BTNL9: variants seen among roughly 807,000 people sequenced by gnomAD.
BTNL9 encodes the protein butyrophilin-like protein 9.
BTNL9 carries 45 observed loss-of-function variants against 45.8 expected under a neutral mutation model. The ratio of observed to expected loss-of-function variants is 0.98; its 90% CI spans 0.77 to 1.26. The LOEUF is 1.26. Among genes scored for constraint, BTNL9 ranks in the 50% most tolerant of loss-of-function variants. The pLI, the probability that BTNL9 is intolerant of heterozygous loss-of-function variation, is 0.00. For synonymous variants in BTNL9, 346 were observed against 330.8 expected (o/e 1.05, Z -0.50); for missense variants, 784 against 729.7 (o/e 1.07, Z -0.86).
rs1295595400 is a variant in BTNL9 at position 181,059,653 on chromosome 5, G to A, written c.1399G>A (p.Asp467Asn). Residue 467 changes from aspartate (D) to asparagine (N), a missense_variant, in exon 11 of 11, where the codon GAC becomes AAC. Physicochemically the swap from Asp to Asn is conservative, Grantham distance 23. Transcript: ENST00000327705. ...AGELSFFNVS[D>N]GSHIFTFHDT... ...AGAGCTGTCCTTCTTCAACGTGTCC[G>A]ACGGCTCCCACATCTTCACCTTCCA... is the stretch of plus-strand genomic sequence containing the variant. 1.9e-6 allele frequency: 3 copies of A among 1,613,680 alleles called. No individual in the cohort carries two copies. Among genetic ancestry groups the A allele is most frequent in the Admixed American group, 1.7e-5 (1 of 60,034 alleles).
chr5:181,059,646 C>T lies in BTNL9; in HGVS notation c.1392C>T (p.Asn464=), dbSNP rs1160030057. 3.1e-6 allele frequency: 5 copies of T among 1,613,558 alleles called. No individual in the cohort carries two copies. Among genetic ancestry groups the T allele is most frequent in the African/African-American group, 1.3e-5 (1 of 74,938 alleles). ...AGGCCGGAGAGCTGTCCTTCTTCAA[C>T]GTGTCCGACGGCTCCCACATCTTCA... ...DYEAGELSFF[N]VSDGSHIFTF... is the part of the protein sequence containing the mutation. Residue 464 remains asparagine, a synonymous_variant, in exon 11 of 11, where the codon AAC becomes AAT. Transcript: ENST00000327705.
intron 2 of BTNL9, chr5:181,047,501 G>A (rs190444838): frequency 3.9e-4 from 392 of 992,428 alleles, no homozygotes; most frequent in East Asian, 5.4e-4. Flanking sequence ...TCAGCAATTT[G>A]ATGTCTCCTT....
In BTNL9 at chr5:181,042,539, G is replaced by A. The variant is rs931215904; in HGVS notation, c.-24+2107G>A. Reference sequence around the variant, plus strand: ...AGGGCGGACGCACAGCAGCAAACGGGGAGGAGGGTGCTGTCCAGGAGCCGC... The same window carrying A: ...AGGGCGGACGCACAGCAGCAAACGGAGAGGAGGGTGCTGTCCAGGAGCCGC... On this transcript the variant is annotated intron_variant, in intron 1 of 10. Coordinates refer to ENST00000327705, the MANE Select transcript of BTNL9 (RefSeq NM_152547.5). The surrounding 1 kb of genome is among the most constrained non-coding windows in gnomAD (Gnocchi z 4.5). Among the ~76,000 whole-genome samples the A allele has an allele frequency of 2.6e-5, 4 of 152,182 alleles. No individual in the cohort carries two copies. The highest frequency in any genetic ancestry group is 5.9e-5 in the Non-Finnish European group (4 of 68,044).
At position 181,059,697 on chromosome 5, in the gene BTNL9, G is replaced by A; in HGVS notation, c.1443G>A (p.Ala481=). 7 of 1,613,602 alleles carry A rather than the reference G, an allele frequency of 4.3e-6. No individual in the cohort carries two copies. Among genetic ancestry groups the A allele is most frequent in the Non-Finnish European group, 5.9e-6 (7 of 1,179,962 alleles). Residue 481 remains alanine, a synonymous_variant, in exon 11 of 11, where the codon GCG becomes GCA. Transcript: ENST00000327705. ...CCTTCCACGACACCTTCTCGGGCGC[G>A]CTCTGTGCGTACTTCAGGCCCAGGG... ...IFTFHDTFSG[A]LCAYFRPRAH...
rs1350945404 is a variant in BTNL9 at position 181,059,750 on chromosome 5, C to G, written c.1496C>G (p.Pro499Arg). The change falls in exon 11 of 11, where the codon CCC becomes CGC. Residue 499 changes from proline (P) to arginine (R), a missense_variant. Transcript: ENST00000327705. ...RAHDGGEHPD[P>R]LTICPLPVRG... ...CACGACGGCGGCGAACATCCGGATCCCCTGACCATCTGCCCGCTGCCGGTT... is the reference window on the plus strand; with the variant it reads ...CACGACGGCGGCGAACATCCGGATCGCCTGACCATCTGCCCGCTGCCGGTT... The G allele has an allele frequency of 6.2e-7, 1 of 1,612,394 alleles. No individual in the cohort carries two copies. Among genetic ancestry groups the G allele is most frequent in the Non-Finnish European group, 8.5e-7 (1 of 1,179,906 alleles).
rs1761726188 is a variant in BTNL9 at position 181,053,917 on chromosome 5, C to T, written c.887-322C>T. ...CGGCGGTCAGGCACCGAGAAAACAG[C>T]CCAGTTACGTGAGGCAGTGTCCGGG... On this transcript the variant is annotated intron_variant, in intron 6 of 10. Transcript: ENST00000327705. The surrounding 1 kb of genome is among the most constrained non-coding windows in gnomAD (Gnocchi z 6.5). 2 of 1,511,168 alleles carry T rather than the reference C, an allele frequency of 1.3e-6. No individual in the cohort carries two copies. The highest frequency in any genetic ancestry group is 2.6e-5 in the East Asian group (1 of 38,862). 93.6% of individuals were successfully genotyped at this position (1,511,168 alleles called of 1,614,324 possible). A position where few individuals can be genotyped will look rare whatever the true frequency, so the allele number is the denominator to read the frequency against.
intron 3 of BTNL9, among the ~76,000 whole-genome samples, chr5:181,049,310 C>T (rs1761406910): frequency 6.6e-6 from 1 of 152,104 alleles, no homozygotes; most frequent in African/African-American, 2.4e-5. Flanking sequence ...ATAGTGGAAA[C>T]CACCTAAATG....
rs1221309571 is a variant in BTNL9 at position 181,059,857 on chromosome 5, T to C, written c.1603T>C (p.Trp535Arg). ...GCCCGCGGACCCCGCCCTGGACTGG[T>C]GGTGAGGCGCCCTCGTGGCCGCGGG... is the stretch of plus-strand genomic sequence containing the variant. ...YEPADPALDW[W>R] Residue 535 changes from tryptophan to arginine, a missense_variant, in exon 11 of 11, where the codon TGG becomes CGG. By Grantham distance (101) the Trp-to-Arg change is moderately radical. Transcript: ENST00000327705. The C allele has an allele frequency of 1.9e-6, 3 of 1,559,172 alleles. No individual in the cohort carries two copies. Among genetic ancestry groups the C allele is most frequent in the Non-Finnish European group, 2.6e-6 (3 of 1,157,078 alleles).
At chr5:181,049,116 A>G (rs960311241) in intron 3 of BTNL9, among the ~76,000 whole-genome samples, 6 of 151,774 alleles carry the variant, frequency 4.0e-5, no homozygotes, top group Non-Finnish European at 8.8e-5. Context: ...ATGTTAGTGG[A>G]ATTCAAAGTT....
rs1369792661 is a variant in BTNL9, at chr5:181,055,762, C to G, written c.929-227C>G. ...CCAGCCTGGGCGACAGAGCGAGACTCTGTCTCAAAAAAAAAAAGAACTATT... is the reference window on the plus strand; with the variant it reads ...CCAGCCTGGGCGACAGAGCGAGACTGTGTCTCAAAAAAAAAAAGAACTATT... On this transcript the variant is annotated intron_variant, in intron 8 of 10. Coordinates refer to ENST00000327705, the MANE Select transcript of BTNL9 (RefSeq NM_152547.5). This position sits in a 1 kb window ranked among gnomAD's most constrained non-coding sequence, Gnocchi z 4.4. 1 of 711,872 alleles carries G rather than the reference C, an allele frequency of 1.4e-6. No homozygotes were observed. The highest frequency in any genetic ancestry group is 2.5e-6 in the Non-Finnish European group (1 of 393,472). The allele number at this position is 711,872 out of a possible 1,614,324, so 44.1% of individuals were successfully genotyped here. A position where few individuals can be genotyped will look rare whatever the true frequency, so the allele number is the denominator to read the frequency against.
intron 7 of BTNL9, chr5:181,054,507 C>T (rs1006734500): frequency 4.1e-6 from 4 of 985,478 alleles, no homozygotes; most frequent in Non-Finnish European, 4.8e-6. Flanking sequence ...AGTTAAAATT[C>T]ATCATAAAAC....
intron 1 of BTNL9, among the ~76,000 whole-genome samples, chr5:181,040,870 C>G (rs917092107): frequency 5.3e-5 from 8 of 152,208 alleles, no homozygotes; most frequent in Non-Finnish European, 1.2e-4. Context: ...CCACTGACAC[C>G]TGCGGACTTG....
intron 2 of BTNL9, among the ~76,000 whole-genome samples, chr5:181,047,682 A>C (rs1414156298): frequency 1.3e-5 from 2 of 152,236 alleles, no homozygotes; most frequent in African/African-American, 2.4e-5. Flanking sequence ...TGGTTGGATG[A>C]AACCAGTTAC....
At position 181,046,452 on chromosome 5, in the gene BTNL9, G is replaced by A. The variant is rs79836491; in HGVS notation, c.109+854G>A. 6.2e-4 allele frequency among the ~76,000 whole-genome samples: 95 copies of A among 152,284 alleles called. No individual in the cohort carries two copies. In the East Asian group the frequency reaches 0.014, roughly 22 times the overall value. On this transcript the variant is annotated intron_variant, in intron 2 of 10. Coordinates refer to ENST00000327705, the MANE Select transcript of BTNL9 (RefSeq NM_152547.5). Reference sequence around the variant, plus strand: ...GTTTGTGCTGAACCCATTGATATACGTTTTTAATTTTACCCCTTGCAAATC... The same window carrying A: ...GTTTGTGCTGAACCCATTGATATACATTTTTAATTTTACCCCTTGCAAATC...
rs1052771880 is a variant in BTNL9, at chr5:181,048,979, A to G, written c.454+708A>G. Among the ~76,000 whole-genome samples the G allele has an allele frequency of 7.5e-5, 11 of 147,304 alleles. No individual in the cohort carries two copies. The Admixed American group carries it at 7.6e-4, about 10-fold the overall frequency. On this transcript the variant is annotated intron_variant, in intron 3 of 10. Transcript: ENST00000327705. Reference sequence around the variant, plus strand: ...TATATTGAGTAACAAAATTACTCATAGTGAGAGAAAGGCAAATCAAAGCTA... The same window carrying G: ...TATATTGAGTAACAAAATTACTCATGGTGAGAGAAAGGCAAATCAAAGCTA...
chr5:181,040,619 G>A (rs1238170418), intron 1 of BTNL9, among the ~76,000 whole-genome samples, 187 bp downstream of exon 1: 2 of 152,218 alleles, frequency 1.3e-5, no homozygotes, highest in African/African-American at 4.8e-5. Flanking sequence ...TAGGTGGGCC[G>A]CATCTCAGGA....
chr5:181,059,521 G>A lies in BTNL9; in HGVS notation c.1267G>A (p.Gly423Arg), dbSNP rs761874015. 1.2e-6 allele frequency: 2 copies of A among 1,604,268 alleles called. No homozygotes were observed. The change falls in exon 11 of 11, where the codon GGG becomes AGG. Residue 423 changes from glycine to arginine, a missense_variant. Transcript: ENST00000327705. ...CCCTGCGGCCGGCTACTGGGTGCTG[G>A]GGCTGTGGAACGGCTGCGAGTACTT... ...LSPAAGYWVL[G>R]LWNGCEYFVL...
chr5:181,043,911 G>A (rs942875564), intron 1 of BTNL9, among the ~76,000 whole-genome samples: 4 of 152,224 alleles, frequency 2.6e-5, no homozygotes, highest in Non-Finnish European at 2.9e-5. Flanking sequence ...CGAGGCCTCT[G>A]CCCATGCTGG....
chr5:181,056,555 A>G, intron 9 of BTNL9: 1 of 717,544 alleles, frequency 1.4e-6, no homozygotes, highest in Non-Finnish European at 2.6e-6. Flanking sequence ...CGTTTTAGCC[A>G]GCCACCCTCC....
Sources: gnomAD v4.1 joint callset for allele counts (sites outside exome capture counted in the v4.1 genomes callset) on GRCh38, gnomAD v4.1.1 for gene constraint, Gnocchi (gnomAD v3.1) non-coding constraint, MANE v1.5 for transcripts, NCBI Gene and HGNC (gene_info 2026-07-23, HGNC 2026-07-21) for gene names.